RAPGEF2: variants seen among roughly 807,000 people sequenced by gnomAD.
The protein encoded by RAPGEF2 is PDZ domain containing guanine nucleotide exchange factor (GEF) 1.
RAPGEF2 carries 54 observed loss-of-function variants against 186.7 expected under a neutral mutation model. That is an observed-to-expected ratio of 0.29 (90% confidence interval 0.23 to 0.36). The LOEUF (loss-of-function observed/expected upper bound fraction) is 0.36. RAPGEF2 is among the 10% of genes least tolerant of loss of function. The pLI is 1.00. For synonymous variants in RAPGEF2, 712 were observed against 705.9 expected, an observed-to-expected ratio of 1.01 and a Z score of -0.14; for missense variants, 1,532 against 2,045.0, an observed-to-expected ratio of 0.75 and a Z score of 4.84.
intron 7 of RAPGEF2, among the ~76,000 whole-genome samples, chr4:159,294,836 G>A (rs1229416919): frequency 6.6e-6 from 1 of 152,078 alleles, no homozygotes; most frequent in Admixed American, 6.6e-5. Flanking sequence ...TAGCTGGGAG[G>A]TGCATGCCAC....
At chr4:159,223,882 C>T (rs1751769654) in intron 4 of RAPGEF2, among the ~76,000 whole-genome samples, 1 of 152,038 alleles carries the variant, frequency 6.6e-6, no homozygotes, top group Non-Finnish European at 1.5e-5. Context: ...GATTTTATAG[C>T]CATTATCCCA....
chr4:159,303,175 C>A (rs114108945), intron 7 of RAPGEF2, among the ~76,000 whole-genome samples: 1 of 152,134 alleles, frequency 6.6e-6, no homozygotes, highest in African/African-American at 2.4e-5. Context: ...CTACTTGGAG[C>A]TCCGAAGTAT....
chr4:159,330,194 A>C (rs192931935), intron 12 of RAPGEF2, 140 bp from the exon 13 acceptor site: 1 of 811,770 alleles, frequency 1.2e-6, no homozygotes, highest in Non-Finnish European at 1.9e-6. Context: ...TTACTATCCA[A>C]TTCATTTTAT....
At chr4:159,124,612 G>T (rs547387004) in intron 1 of RAPGEF2, among the ~76,000 whole-genome samples, 1 of 152,062 alleles carries the variant, frequency 6.6e-6, no homozygotes, top group Non-Finnish European at 1.5e-5. Flanking sequence ...ATATCTTTAC[G>T]CAAAGAAGAA....
intron 1 of RAPGEF2, among the ~76,000 whole-genome samples, chr4:159,182,361 A>G (rs1194120665): frequency 6.6e-6 from 1 of 151,020 alleles, no homozygotes; most frequent in East Asian, 1.9e-4. Flanking sequence ...TTAGACTGAA[A>G]AGCTTCCTAG....
rs1429460296 is a variant in RAPGEF2, at chr4:159,210,456, G to C, written c.198-44G>C. ...CTATATGTTTTAATTTTTTGTTGTT[G>C]TTGTTATAGGTAACAATCTGATTCT... On this transcript the variant is annotated intron_variant, in intron 3 of 29. Coordinates refer to ENST00000691494, the MANE Select transcript of RAPGEF2 (RefSeq NM_001394067.2). The C allele has an allele frequency of 2.3e-6, 3 of 1,332,296 alleles. No homozygotes were observed. The African/African-American group carries it at 4.4e-5, about 20-fold the overall frequency. 82.5% of individuals were successfully genotyped at this position (1,332,296 alleles called of 1,614,324 possible). A position where few individuals can be genotyped will look rare whatever the true frequency, so the allele number is the denominator to read the frequency against.
At chr4:159,243,884 T>A (rs1754301130) in intron 7 of RAPGEF2, 93 bp downstream of exon 7, 1 of 951,480 alleles carries the variant, frequency 1.1e-6, no homozygotes, top group African/African-American at 1.7e-5. Flanking sequence ...TCATATGTTT[T>A]GCTTCGTCTT....
intron 1 of RAPGEF2, among the ~76,000 whole-genome samples, chr4:159,147,958 C>A (rs1342916029): frequency 6.6e-6 from 1 of 152,144 alleles, no homozygotes; most frequent in African/African-American, 2.4e-5. Context: ...TTTAAAAAAT[C>A]TTATTTCTGG....
chr4:159,164,749 T>TA (rs1315592354), intron 1 of RAPGEF2, among the ~76,000 whole-genome samples: 1 of 152,206 alleles, frequency 6.6e-6, no homozygotes. Context: ...TGATAGTTTA[T>TA]ATTACTAAGC....
At chr4:159,251,703 T>C (rs1207399735) in intron 7 of RAPGEF2, among the ~76,000 whole-genome samples, 1 of 152,026 alleles carries the variant, frequency 6.6e-6, no homozygotes, top group Non-Finnish European at 1.5e-5. Context: ...TGTGTCTAGC[T>C]CAGGGATTAT....
chr4:159,297,750 C>T (rs1439613937), intron 7 of RAPGEF2, among the ~76,000 whole-genome samples: 3 of 152,116 alleles, frequency 2.0e-5, no homozygotes, highest in African/African-American at 7.2e-5. Flanking sequence ...TGAAAAATAT[C>T]TGGCCTAAGG....
intron 7 of RAPGEF2, among the ~76,000 whole-genome samples, chr4:159,270,785 T>A (rs937128371): frequency 3.3e-5 from 5 of 152,140 alleles, no homozygotes; most frequent in African/African-American, 9.7e-5. Flanking sequence ...TTATTACACC[T>A]CCCCCTATTT....
chr4:159,322,938 A>T (rs1482074768), intron 10 of RAPGEF2, among the ~76,000 whole-genome samples: 1 of 152,194 alleles, frequency 6.6e-6, no homozygotes, highest in Non-Finnish European at 1.5e-5. Context: ...CATGGGAATT[A>T]TGGGAGTATA....
intron 10 of RAPGEF2, among the ~76,000 whole-genome samples, chr4:159,322,815 G>C (rs1005688884): frequency 1.3e-5 from 2 of 152,104 alleles, no homozygotes; most frequent in Non-Finnish European, 2.9e-5. Flanking sequence ...CAAAAGCAGA[G>C]ACCCCTGATA....
At chr4:159,134,868 A>G (rs868161256) in intron 1 of RAPGEF2, among the ~76,000 whole-genome samples, 1 of 152,158 alleles carries the variant, frequency 6.6e-6, no homozygotes, top group Admixed American at 6.5e-5. Context: ...CTCATCCTCT[A>G]TCCCTTCTGT....
At chr4:159,236,195 C>T (rs1443129849) in intron 4 of RAPGEF2, among the ~76,000 whole-genome samples, 1 of 152,148 alleles carries the variant, frequency 6.6e-6, no homozygotes, top group Non-Finnish European at 1.5e-5. Context: ...TTATGGAACT[C>T]GAGTCTTTTT....
In RAPGEF2 at chr4:159,157,670, C is replaced by T. The variant is rs902079407; in HGVS notation, c.70-28972C>T. On this transcript the variant is annotated intron_variant, in intron 1 of 29. Coordinates refer to ENST00000691494, the MANE Select transcript of RAPGEF2 (RefSeq NM_001394067.2). ...AAAGGAATTCTTCACCAAGTCCGTT[C>T]TTCAGGGGGAAGGGGAAACCTTATG... 1.2e-4 allele frequency among the ~76,000 whole-genome samples: 18 copies of T among 152,296 alleles called. No homozygotes were observed. In the South Asian group the frequency reaches 2.1e-3, roughly 18 times the overall value.
At chr4:159,195,162 G>C (rs1482160886) in intron 3 of RAPGEF2, among the ~76,000 whole-genome samples, 2 of 152,188 alleles carry the variant, frequency 1.3e-5, no homozygotes, top group East Asian at 3.8e-4. Flanking sequence ...AAATAATCAA[G>C]AAGTATTTGA....
chr4:159,352,561 G>A, intron 26 of RAPGEF2, 124 bp from the exon 27 acceptor site: 1 of 688,396 alleles, frequency 1.5e-6, no homozygotes, highest in South Asian at 1.9e-5. Flanking sequence ...AAGTGAAATG[G>A]GGTTTTTCTC....
Sources: gnomAD v4.1 joint callset for allele counts (sites outside exome capture counted in the v4.1 genomes callset) on GRCh38, gnomAD v4.1.1 for gene constraint, MANE v1.5 for transcripts, NCBI Gene and HGNC (gene_info 2026-07-23, HGNC 2026-07-21) for gene names.